The following JUN variants were observed in gnomAD, a reference collection of about 807,000 sequenced individuals.
The protein encoded by JUN is Jun proto-oncogene, AP-1 transcription factor subunit.
In JUN, 7 loss-of-function variants were observed where a neutral mutation model predicts 19.7. The observed-to-expected ratio is 0.36, with a 90% CI of 0.20 to 0.67. JUN has a LOEUF of 0.67. Among genes scored for constraint, JUN ranks in the 30% least tolerant of loss-of-function variants. JUN has a pLI of 0.64. For synonymous variants in JUN, 246 were observed against 206.9 expected (o/e 1.19, Z -1.62); for missense variants, 373 against 451.0 (o/e 0.83, Z 1.57).
At position 58,782,738 on chromosome 1, in the gene JUN, G is replaced by T; in HGVS notation, c.333C>A (p.Ala111=). The T allele has an allele frequency of 6.2e-7, 1 of 1,610,974 alleles. No homozygotes were observed. The highest frequency in any genetic ancestry group is 8.5e-7 in the Non-Finnish European group (1 of 1,179,442). ...KNVTDEQEGF[A]EGFVRALAEL... ...CGGCCAGGGCGCGCACGAAGCCCTC[G>T]GCGAAGCCCTCCTGCTCATCTGTCA... The change falls in exon 1 of 1, where the codon GCC becomes GCA. Residue 111 remains alanine, a synonymous_variant. Transcript: ENST00000371222. This position sits in a 1 kb window ranked among gnomAD's most constrained non-coding sequence, Gnocchi z 8.7.
In JUN at chr1:58,782,285, G is replaced by A. The variant is rs1483696310; in HGVS notation, c.786C>T (p.Asn262=). 2 of 1,614,270 alleles carry A rather than the reference G, an allele frequency of 1.2e-6. No homozygotes were observed. Among genetic ancestry groups the A allele is most frequent in the South Asian group, 2.2e-5 (2 of 91,092 alleles). Residue 262 remains asparagine, a synonymous_variant, in exon 1 of 1, where the codon AAC becomes AAT. Transcript: ENST00000371222. This position sits in a 1 kb window ranked among gnomAD's most constrained non-coding sequence, Gnocchi z 8.7. The part of the protein sequence containing the change: ...RIKAERKRMR[N]RIAASKCRKR... Reference sequence around the variant, plus strand: ...TTCGGCACTTGGAGGCAGCGATGCGGTTCCTCATGCGCTTCCTCTCCGCCT... The same window carrying A: ...TTCGGCACTTGGAGGCAGCGATGCGATTCCTCATGCGCTTCCTCTCCGCCT...
rs1197000667 is a variant in JUN, at chr1:58,781,292, A to G, written c.*783T>C. ...CTCCACCTAGATAGCTAGTATCTAC[A>G]GATGATGCAGAAAAGAGGTTAGGGG... On this transcript the variant is annotated 3_prime_UTR_variant, in exon 1 of 1. Coordinates refer to ENST00000371222, the MANE Select transcript of JUN (RefSeq NM_002228.4). 4.3e-6 allele frequency: 1 copy of G among 232,646 alleles called. No individual in the cohort carries two copies. Among genetic ancestry groups the G allele is most frequent in the Non-Finnish European group, 8.5e-6 (1 of 117,492 alleles). 14.4% of individuals were successfully genotyped at this position (232,646 alleles called of 1,614,324 possible).
Position 58,782,292 on chromosome 1 carries a change from A to G in JUN, c.779T>C (p.Met260Thr). ...QERIKAERKR[M>T]RNRIAASKCR... ...CTTGGAGGCAGCGATGCGGTTCCTC[A>G]TGCGCTTCCTCTCCGCCTTGATCCG... Residue 260 changes from methionine (M) to threonine (T), a missense_variant, in exon 1 of 1, where the codon ATG (methionine) becomes ACG (threonine). Met to Thr is a moderately conservative substitution (Grantham distance 81). Coordinates refer to ENST00000371222, the MANE Select transcript of JUN (RefSeq NM_002228.4). This position sits in a 1 kb window ranked among gnomAD's most constrained non-coding sequence, Gnocchi z 8.7. 1.2e-6 allele frequency: 2 copies of G among 1,614,178 alleles called. No individual in the cohort carries two copies. Among genetic ancestry groups the G allele is most frequent in the Non-Finnish European group, 1.7e-6 (2 of 1,180,022 alleles).
At position 58,783,683 on chromosome 1, in the gene JUN, G is replaced by A. The variant is rs1645596875; in HGVS notation, c.-613C>T. Reference sequence around the variant, plus strand: ...AAAGGCTTGCAAAAGTTGGCTCCGGGACTCTGCCACTTGTCTCCGGTCCTC... The same window carrying A: ...AAAGGCTTGCAAAAGTTGGCTCCGGAACTCTGCCACTTGTCTCCGGTCCTC... On this transcript the variant is annotated 5_prime_UTR_variant, in exon 1 of 1. Coordinates refer to ENST00000371222, the MANE Select transcript of JUN (RefSeq NM_002228.4). 4.1e-6 allele frequency: 1 copy of A among 244,426 alleles called. No individual in the cohort carries two copies. Among genetic ancestry groups the A allele is most frequent in the African/African-American group, 2.4e-5 (1 of 42,352 alleles). The allele number at this position is 244,426 out of a possible 1,614,324, so 15.1% of individuals were successfully genotyped here.
Position 58,783,376 on chromosome 1 carries a change from G to C in JUN, c.-306C>G. 2.5e-6 allele frequency: 1 copy of C among 400,106 alleles called. No individual in the cohort carries two copies. Among genetic ancestry groups the C allele is most frequent in the South Asian group, 3.7e-5 (1 of 27,018 alleles). 24.8% of individuals were successfully genotyped at this position (400,106 alleles called of 1,614,324 possible). On this transcript the variant is annotated 5_prime_UTR_variant, in exon 1 of 1. Coordinates refer to ENST00000371222, the MANE Select transcript of JUN (RefSeq NM_002228.4). ...GCTCTTCGTGCGCAGCGGTTCCTCG[G>C]AGTCCGCAGGCGAACTCACTTCCCA...
rs1645569234 is a variant in JUN at position 58,780,841 on chromosome 1, TA to T, written c.*1233del. 4.3e-6 allele frequency: 1 copy of T among 232,862 alleles called. No homozygotes were observed. Among genetic ancestry groups the T allele is most frequent in the African/African-American group, 2.2e-5 (1 of 45,344 alleles). The allele number at this position is 232,862 out of a possible 1,614,324, so 14.4% of individuals were successfully genotyped here. A position where few individuals can be genotyped will look rare whatever the true frequency, so the allele number is the denominator to read the frequency against. ...ACAAGAATGCTGTTATAAATATTCA[TA>T]AGCAAAGGCCATCTTTTTATCTAGG... On this transcript the variant is annotated 3_prime_UTR_variant, in exon 1 of 1. Transcript: ENST00000371222.
In JUN at chr1:58,782,413, G is replaced by A; in HGVS notation, c.658C>T (p.Pro220Ser). ...TCCTCCTTCAGGGCCTGCAGCCGCG[G>A]GTGCTGCACGGGCATCTGCTGGGGC... ...HLPQQMPVQH[P>S]RLQALKEEPQ... Residue 220 changes from proline (P) to serine (S), a missense_variant, in exon 1 of 1, where the codon CCG (proline) becomes TCG (serine). Around this residue, in one of 4 missense-constraint regions of JUN, gnomAD observed 173 missense variants for 154.5 expected, o/e 1.12. Coordinates refer to ENST00000371222, the MANE Select transcript of JUN (RefSeq NM_002228.4). The surrounding 1 kb of genome is among the most constrained non-coding windows in gnomAD (Gnocchi z 8.7). 3 of 1,609,136 alleles carry A rather than the reference G, an allele frequency of 1.9e-6. No homozygotes were observed. Among genetic ancestry groups the A allele is most frequent in the South Asian group, 2.2e-5 (2 of 90,882 alleles).
In JUN at chr1:58,783,608, T is replaced by C. The variant is rs1254018409; in HGVS notation, c.-538A>G. 4.0e-6 allele frequency: 1 copy of C among 248,362 alleles called. No homozygotes were observed. The highest frequency in any genetic ancestry group is 8.5e-6 in the Non-Finnish European group (1 of 118,312). The allele number at this position is 248,362 out of a possible 1,614,324, so 15.4% of individuals were successfully genotyped here. A position where few individuals can be genotyped will look rare whatever the true frequency, so the allele number is the denominator to read the frequency against. ...GCACGTCCTTCTTCTCTTGCGTGGC[T>C]CTCCGCCGCCTTCTGGTCTTTACCG... On this transcript the variant is annotated 5_prime_UTR_variant, in exon 1 of 1. Coordinates refer to ENST00000371222, the MANE Select transcript of JUN (RefSeq NM_002228.4).
At position 58,781,865 on chromosome 1, in the gene JUN, G is replaced by A. The variant is rs1248840071; in HGVS notation, c.*210C>T. The A allele has an allele frequency of 1.0e-5, 6 of 576,874 alleles. No homozygotes were observed. The highest frequency in any genetic ancestry group is 1.8e-5 in the Non-Finnish European group (6 of 327,268). 35.7% of individuals were successfully genotyped at this position (576,874 alleles called of 1,614,324 possible). On this transcript the variant is annotated 3_prime_UTR_variant, in exon 1 of 1. Transcript: ENST00000371222. ...GGCAGCCCGCAGGCGGCCGCTCCCTGGCTCCACGCCAAGGGAGGGCGCGCC... is the reference window on the plus strand; with the variant it reads ...GGCAGCCCGCAGGCGGCCGCTCCCTAGCTCCACGCCAAGGGAGGGCGCGCC...
chr1:58,783,145 CAAGCGGGGGACACCCGCGCCCCCCGGA>C lies in JUN; in HGVS notation c.-102_-76del. On this transcript the variant is annotated 5_prime_UTR_variant, in exon 1 of 1. Coordinates refer to ENST00000371222, the MANE Select transcript of JUN (RefSeq NM_002228.4). ...TTTCGGGGCCGCAACAGGGCTGTGG[CAAGCGGGGGACACCCGCGCCCCCCGGA>C]GCCTTTGACAGGGAAAGTTTCTCTA... 1 of 1,534,550 alleles carries C rather than the reference CAAGCGGGGGACACCCGCGCCCCCCGGA, an allele frequency of 6.5e-7. No homozygotes were observed. Among genetic ancestry groups the C allele is most frequent in the South Asian group, 1.3e-5 (1 of 79,006 alleles).
Position 58,783,257 on chromosome 1 carries a change from G to A in JUN, c.-187C>T. The A allele has an allele frequency of 2.5e-6, 2 of 808,884 alleles. No homozygotes were observed. The highest frequency in any genetic ancestry group is 1.9e-6 in the Non-Finnish European group (1 of 520,312). The allele number at this position is 808,884 out of a possible 1,614,324, so 50.1% of individuals were successfully genotyped here. ...GCGCCCTCCTCACCAGCTCGCTCCA[G>A]GGAGCGCAGGGTTAATTAAGATGCC... On this transcript the variant is annotated 5_prime_UTR_variant, in exon 1 of 1. Coordinates refer to ENST00000371222, the MANE Select transcript of JUN (RefSeq NM_002228.4).
rs1305763638 is a variant in JUN at position 58,782,910 on chromosome 1, C to T, written c.161G>A (p.Arg54His). The change falls in exon 1 of 1, where the codon CGC becomes CAC. Residue 54 changes from arginine to histidine, a missense_variant. Coordinates refer to ENST00000371222, the MANE Select transcript of JUN (RefSeq NM_002228.4). This position sits in a 1 kb window ranked among gnomAD's most constrained non-coding sequence, Gnocchi z 8.7. ...GGTGAGGAGGTCCGAGTTCTTGGCG[C>T]GGAGGTGCGGCTTCAGGCTCCCCAC... is the stretch of plus-strand genomic sequence containing the variant. ...DPVGSLKPHL[R>H]AKNSDLLTSP... is the part of the protein sequence containing the mutation. 4 of 1,614,136 alleles carry T rather than the reference C, an allele frequency of 2.5e-6. No homozygotes were observed. Among genetic ancestry groups the T allele is most frequent in the South Asian group, 1.1e-5 (1 of 91,084 alleles).
rs1324142839 is a variant in JUN at position 58,782,084 on chromosome 1, T to C, written c.987A>G (p.Gln329=). The part of the protein sequence containing the change: ...GCQLMLTQQL[Q]TF ...CCCCGACGGTCTCTCTTCAAAATGTTTGCAACTGCTGCGTTAGCATGAGTT... is the reference window on the plus strand; with the variant it reads ...CCCCGACGGTCTCTCTTCAAAATGTCTGCAACTGCTGCGTTAGCATGAGTT... The change falls in exon 1 of 1, where the codon CAA becomes CAG. Residue 329 remains glutamine (Q), a synonymous_variant. Coordinates refer to ENST00000371222, the MANE Select transcript of JUN (RefSeq NM_002228.4). This position sits in a 1 kb window ranked among gnomAD's most constrained non-coding sequence, Gnocchi z 8.7. 1.9e-6 allele frequency: 3 copies of C among 1,611,610 alleles called. No individual in the cohort carries two copies. In the African/African-American group the frequency reaches 4.0e-5, roughly 22 times the overall value.
chr1:58,783,225 C>G lies in JUN; in HGVS notation c.-155G>C, dbSNP rs887728813. 4.5e-6 allele frequency: 5 copies of G among 1,117,432 alleles called. No individual in the cohort carries two copies. Among genetic ancestry groups the G allele is most frequent in the Non-Finnish European group, 6.3e-6 (5 of 791,304 alleles). 69.2% of individuals were successfully genotyped at this position (1,117,432 alleles called of 1,614,324 possible). ...AGCGCACGCACCCGCTGGCTGTCGT[C>G]CCCGCTGCGCCCTCCTCACCAGCTC... is the stretch of plus-strand genomic sequence containing the variant. On this transcript the variant is annotated 5_prime_UTR_variant, in exon 1 of 1. Transcript: ENST00000371222.
Position 58,783,303 on chromosome 1 carries a change from A to C in JUN, c.-233T>G. Reference sequence around the variant, plus strand: ...ATGCCTCCCGCACTCTTACTTGTCGACTCGCGCGCGCTACCCGGCTTTGAA... The same window carrying C: ...ATGCCTCCCGCACTCTTACTTGTCGCCTCGCGCGCGCTACCCGGCTTTGAA... On this transcript the variant is annotated 5_prime_UTR_variant, in exon 1 of 1. Transcript: ENST00000371222. The C allele has an allele frequency of 3.7e-6, 2 of 543,512 alleles. No individual in the cohort carries two copies. The highest frequency in any genetic ancestry group is 6.5e-6 in the Non-Finnish European group (2 of 308,494). 33.7% of individuals were successfully genotyped at this position (543,512 alleles called of 1,614,324 possible). A position where few individuals can be genotyped will look rare whatever the true frequency, so the allele number is the denominator to read the frequency against.
rs1328804750 is a variant in JUN, at chr1:58,782,501, G to A, written c.570C>T (p.Tyr190=). Residue 190 remains tyrosine, a synonymous_variant, in exon 1 of 1, where the codon TAC becomes TAT. Transcript: ENST00000371222. This position sits in a 1 kb window ranked among gnomAD's most constrained non-coding sequence, Gnocchi z 8.7. ...CGGGAAAGGCCAGGCCGGCCGCGCC[G>A]TAGGAGGGCGCCCCGCCGCCGCTGC... ...ALSSGGGAPS[Y]GAAGLAFPAQ... is the part of the protein sequence containing the mutation. 3 of 1,572,532 alleles carry A rather than the reference G, an allele frequency of 1.9e-6. No individual in the cohort carries two copies. Among genetic ancestry groups the A allele is most frequent in the South Asian group, 2.3e-5 (2 of 87,938 alleles).
In JUN at chr1:58,782,972, G is replaced by A. The variant is rs1432329993; in HGVS notation, c.99C>T (p.Ile33=). ...GGTTCAGGGTCATGCTCTGTTTCAG[G>A]ATCTTGGGGTTACTGTAGCCATAAG... is the stretch of plus-strand genomic sequence containing the variant. ...SGPYGYSNPK[I]LKQSMTLNLA... Residue 33 remains isoleucine, a synonymous_variant, in exon 1 of 1, where the codon ATC becomes ATT. Coordinates refer to ENST00000371222, the MANE Select transcript of JUN (RefSeq NM_002228.4). This position sits in a 1 kb window ranked among gnomAD's most constrained non-coding sequence, Gnocchi z 8.7. 6.2e-7 allele frequency: 1 copy of A among 1,614,130 alleles called. No homozygotes were observed. The highest frequency in any genetic ancestry group is 1.3e-5 in the African/African-American group (1 of 74,950).
Position 58,782,849 on chromosome 1 carries a change from G to T in JUN, c.222C>A (p.Pro74=), listed in dbSNP as rs772783846. Residue 74 remains proline (P), a synonymous_variant, in exon 1 of 1, where the codon CCC becomes CCA. Transcript: ENST00000371222. This position sits in a 1 kb window ranked among gnomAD's most constrained non-coding sequence, Gnocchi z 8.7. ...PDVGLLKLAS[P]ELERLIIQSS... ...ACTGGATTATCAGGCGCTCCAGCTC[G>T]GGCGACGCCAGCTTGAGCAGCCCCA... The T allele has an allele frequency of 1.1e-5, 17 of 1,614,066 alleles. No individual in the cohort carries two copies. The highest frequency in any genetic ancestry group is 1.4e-5 in the Non-Finnish European group (17 of 1,180,010).
In JUN at chr1:58,781,124, C is replaced by CTGG. The variant is rs1389406731; in HGVS notation, c.*948_*950dup. ...TTGGTAAGCAATTCCATATAGATAG[C>CTGG]TGGGGGAGGAGGAGTATAACCTGAC... is the stretch of plus-strand genomic sequence containing the variant. On this transcript the variant is annotated 3_prime_UTR_variant, in exon 1 of 1. Transcript: ENST00000371222. 2 of 232,574 alleles carry CTGG rather than the reference C, an allele frequency of 8.6e-6. No individual in the cohort carries two copies. The highest frequency in any genetic ancestry group is 1.7e-5 in the Non-Finnish European group (2 of 117,896). The allele number at this position is 232,574 out of a possible 1,614,324, so 14.4% of individuals were successfully genotyped here. A position where few individuals can be genotyped will look rare whatever the true frequency, so the allele number is the denominator to read the frequency against.
Sources: gnomAD v4.1 joint callset for allele counts on GRCh38, gnomAD v4.1.1 for gene constraint, gnomAD v4.1.1 regional missense constraint, Gnocchi (gnomAD v3.1) non-coding constraint, MANE v1.5 for transcripts, NCBI Gene and HGNC (gene_info 2026-07-23, HGNC 2026-07-21) for gene names.